The following PRMT8 variants were observed in gnomAD, a reference collection of about 807,000 sequenced individuals.
The protein encoded by PRMT8 is protein arginine methyltransferase 8, also known as protein arginine N-methyltransferase 8.
In PRMT8, 7 loss-of-function variants were observed where a neutral mutation model predicts 47.1. The ratio of observed to expected loss-of-function variants is 0.15; its 90% confidence interval spans 0.08 to 0.28. The LOEUF (loss-of-function observed/expected upper bound fraction) is 0.28. PRMT8 is among the 10% of genes least tolerant of loss of function. The pLI, the probability that PRMT8 is intolerant of heterozygous loss-of-function variation, is 1.00. For synonymous variants in PRMT8, 188 were observed against 186.5 expected (o/e 1.01, Z -0.07); for missense variants, 237 against 505.4 (o/e 0.47, Z 5.09).
chr12:3,465,854 A>G (rs1368362265), intron 1 of PRMT8, among the ~76,000 whole-genome samples: 1 of 152,210 alleles, frequency 6.6e-6, no homozygotes, highest in African/African-American at 2.4e-5. Context: ...CTCTGCACAC[A>G]TACGCAGGAG....
At chr12:3,523,451 C>T (rs1452657770) in intron 1 of PRMT8, among the ~76,000 whole-genome samples, 2 of 152,170 alleles carry the variant, frequency 1.3e-5, no homozygotes, top group Non-Finnish European at 2.9e-5. Flanking sequence ...CATCTCCACC[C>T]CAAGCCCACC....
At chr12:3,495,987 A>T (rs1355888115) in intron 1 of PRMT8, among the ~76,000 whole-genome samples, 1 of 152,030 alleles carries the variant, frequency 6.6e-6, no homozygotes, top group South Asian at 2.1e-4. Flanking sequence ...TCATCTGAAT[A>T]GCAGATAAAT....
chr12:3,563,667 C>G (rs1866672772), intron 4 of PRMT8, among the ~76,000 whole-genome samples: 1 of 152,044 alleles, frequency 6.6e-6, no homozygotes, highest in African/African-American at 2.4e-5. Context: ...AGATATACAC[C>G]CATTTGCCGG....
At chr12:3,562,887 C>T (rs1866660417) in intron 4 of PRMT8, among the ~76,000 whole-genome samples, 1 of 152,114 alleles carries the variant, frequency 6.6e-6, no homozygotes, top group Non-Finnish European at 1.5e-5. Context: ...AGAGTGAAAC[C>T]ATTCCAGATA....
At chr12:3,539,475 C>T (rs1777136112) in intron 1 of PRMT8, among the ~76,000 whole-genome samples, 1 of 152,110 alleles carries the variant, frequency 6.6e-6, no homozygotes, top group South Asian at 2.1e-4. Context: ...GATTCCCAGC[C>T]CTAGAGGACT....
chr12:3,514,240 G>T lies in PRMT8; in HGVS notation c.75+22540G>T. Among the ~76,000 whole-genome samples, 1 of 150,538 alleles carries T rather than the reference G, an allele frequency of 6.6e-6. No individual in the cohort carries two copies. Among genetic ancestry groups the T allele is most frequent in the African/African-American group, 2.5e-5 (1 of 40,742 alleles). On this transcript the variant is annotated intron_variant, in intron 1 of 9. Transcript: ENST00000382622. This position sits in a 1 kb window ranked among gnomAD's most constrained non-coding sequence, Gnocchi z 5.9. ...TTTTTTTTTTTCTGTTACCCCTAAG[G>T]TGCTCTTTTGTTCACCACAGAATAC... is the stretch of plus-strand genomic sequence containing the variant.
chr12:3,479,058 C>T (rs1245918094), intron 1 of PRMT8, among the ~76,000 whole-genome samples: 1 of 152,202 alleles, frequency 6.6e-6, no homozygotes, highest in African/African-American at 2.4e-5. Context: ...CAGGGTACAG[C>T]AGGCTCTGAC....
chr12:3,577,806 C>A (rs576141216), intron 7 of PRMT8, among the ~76,000 whole-genome samples: 1 of 152,124 alleles, frequency 6.6e-6, no homozygotes, highest in Admixed American at 6.5e-5. Flanking sequence ...CACCTTTGCC[C>A]GAGGCTTCCT....
intron 1 of PRMT8, among the ~76,000 whole-genome samples, chr12:3,435,098 A>T (rs1223243424): frequency 2.0e-5 from 3 of 150,560 alleles, no homozygotes; most frequent in Non-Finnish European, 4.4e-5. Context: ...CCTCCCAAGT[A>T]TCTGGGACTA....
At chr12:3,465,029 C>T (rs531289779) in intron 1 of PRMT8, among the ~76,000 whole-genome samples, 11 of 150,742 alleles carry the variant, frequency 7.3e-5, no homozygotes, top group East Asian at 3.9e-4. Flanking sequence ...GCAGGAGAAT[C>T]GCTTAAACCC....
chr12:3,487,888 G>A (rs1865336884), upstream of PRMT8, among the ~76,000 whole-genome samples: 1 of 152,158 alleles, frequency 6.6e-6, no homozygotes, highest in Admixed American at 6.5e-5. Flanking sequence ...CTTAGAATTA[G>A]AGGCTTAAAG....
intron 1 of PRMT8, among the ~76,000 whole-genome samples, chr12:3,505,720 T>G (rs1226899322): frequency 6.6e-6 from 1 of 152,232 alleles, no homozygotes; most frequent in Non-Finnish European, 1.5e-5. Flanking sequence ...TCTCTGCTGT[T>G]GACATGGCCT....
intron 1 of PRMT8, among the ~76,000 whole-genome samples, chr12:3,428,197 G>T (rs532829997): frequency 6.6e-6 from 1 of 151,796 alleles, no homozygotes; most frequent in Admixed American, 6.6e-5. Context: ...AACCTGCTGG[G>T]TTAAGGGAAT....
chr12:3,585,345 CTTTTTTTTTT>C (rs71061123), intron 8 of PRMT8, among the ~76,000 whole-genome samples: 1,161 of 45,794 alleles, frequency 0.025, 24 homozygotes, highest in Non-Finnish European at 0.034. Context: ...GAAAATGATG[CTTTTTTTTTT>C]TTTTTTTTTT....
At chr12:3,588,122 A>G (rs1301711818) in intron 8 of PRMT8, among the ~76,000 whole-genome samples, 1 of 152,210 alleles carries the variant, frequency 6.6e-6, no homozygotes, top group Admixed American at 6.5e-5. Context: ...GGTATCAGCA[A>G]GGTAGGCAGA....
chr12:3,556,920 C>T (rs541468342), intron 4 of PRMT8, among the ~76,000 whole-genome samples: 74 of 152,152 alleles, frequency 4.9e-4, no homozygotes, highest in African/African-American at 1.7e-3. Context: ...GGTGGAGAGG[C>T]GGCCTTTGCC....
chr12:3,456,669 AG>A lies in PRMT8; in HGVS notation c.48+75230del, dbSNP rs1450180115. On this transcript the variant is annotated intron_variant, in intron 1 of 9. Transcript: ENST00000452611. The surrounding 1 kb of genome is among the most constrained non-coding windows in gnomAD (Gnocchi z 4.2). ...AGTGGGGAAGCTGACCTTAAGCGGGAGGGTGCAGGGGTGAGCTAGTTTGGCC... is the reference window on the plus strand; with the variant it reads ...AGTGGGGAAGCTGACCTTAAGCGGGAGGTGCAGGGGTGAGCTAGTTTGGCC... 6.6e-6 allele frequency among the ~76,000 whole-genome samples: 1 copy of A among 152,178 alleles called. No individual in the cohort carries two copies. The highest frequency in any genetic ancestry group is 3.4e-3 in the Middle Eastern group (1 of 294).
chr12:3,571,043 C>G (rs1387292398), intron 6 of PRMT8, among the ~76,000 whole-genome samples: 1 of 152,200 alleles, frequency 6.6e-6, no homozygotes, highest in African/African-American at 2.4e-5. Context: ...GGATAATTTT[C>G]TCAATCCCAC....
intron 1 of PRMT8, among the ~76,000 whole-genome samples, chr12:3,531,796 T>TC (rs1866035683): frequency 6.6e-6 from 1 of 152,158 alleles, no homozygotes; most frequent in African/African-American, 2.4e-5. Flanking sequence ...CCCTCTACTC[T>TC]CAGAGCTAAA....
Sources: gnomAD v4.1 joint callset for allele counts (sites outside exome capture counted in the v4.1 genomes callset) on GRCh38, gnomAD v4.1.1 for gene constraint, Gnocchi (gnomAD v3.1) non-coding constraint, MANE v1.5 for transcripts, NCBI Gene and HGNC (gene_info 2026-07-23, HGNC 2026-07-21) for gene names.